MGAT4C: variants seen among roughly 807,000 people sequenced by gnomAD.
The protein encoded by MGAT4C is alpha-1,3-mannosyl-glycoprotein 4-beta-N-acetylglucosaminyltransferase C.
Under a neutral mutation model 40.1 loss-of-function variants are expected in MGAT4C, and 19 were observed. That is an observed-to-expected ratio of 0.47 (90% confidence interval 0.33 to 0.70). MGAT4C has a LOEUF of 0.70. Ranked by LOEUF, MGAT4C falls within the 30% of genes least tolerant of loss-of-function variation. The probability of loss-of-function intolerance (pLI) is 0.02; values close to 1 mark genes in which losing one functional copy is unlikely to be tolerated. For synonymous variants in MGAT4C, 181 were observed against 187.1 expected (o/e 0.97, Z 0.27); for missense variants, 491 against 563.2 (o/e 0.87, Z 1.30).
chr12:86,419,115 AT>A (rs1482989950), intron 3 of MGAT4C, among the ~76,000 whole-genome samples: 1 of 152,152 alleles, frequency 6.6e-6, no homozygotes, highest in Admixed American at 6.6e-5. Flanking sequence ...GAGGGAAAAA[AT>A]ATAACATTAT....
chr12:86,216,589 T>C (rs1480155889), intron 1 of MGAT4C, among the ~76,000 whole-genome samples: 3 of 152,222 alleles, frequency 2.0e-5, no homozygotes, highest in African/African-American at 4.8e-5. Flanking sequence ...TATGTCACTA[T>C]GTATGATGAA....
chr12:86,341,106 T>C (rs965305237), intron 3 of MGAT4C, among the ~76,000 whole-genome samples: 4 of 152,078 alleles, frequency 2.6e-5, no homozygotes, highest in African/African-American at 9.7e-5. Flanking sequence ...TGTACTCACA[T>C]TGACATTAAT....
chr12:86,805,681 A>T (rs1952339999), intron 1 of MGAT4C, among the ~76,000 whole-genome samples: 1 of 152,070 alleles, frequency 6.6e-6, no homozygotes, highest in African/African-American at 2.4e-5. Flanking sequence ...CTCAATGAAC[A>T]TGTCAGTACA....
chr12:86,544,832 G>A (rs559201950), intron 2 of MGAT4C, among the ~76,000 whole-genome samples: 2 of 152,118 alleles, frequency 1.3e-5, no homozygotes, highest in African/African-American at 4.8e-5. Context: ...GTAGCATGTA[G>A]TCAGGGAACT....
At chr12:86,304,395 T>C (rs1258798734) in intron 4 of MGAT4C, among the ~76,000 whole-genome samples, 1 of 150,516 alleles carries the variant, frequency 6.6e-6, no homozygotes, top group Non-Finnish European at 1.5e-5. Flanking sequence ...ACTTTCTATC[T>C]GATAATTTCT....
chr12:86,164,998 G>T (rs1191718863), intron 1 of MGAT4C, among the ~76,000 whole-genome samples: 1 of 152,108 alleles, frequency 6.6e-6, no homozygotes, highest in Non-Finnish European at 1.5e-5. Context: ...GGGACATATG[G>T]TTGTTAAAAT....
intron 1 of MGAT4C, among the ~76,000 whole-genome samples, chr12:86,073,719 G>A (rs1177213276): frequency 6.6e-6 from 1 of 152,114 alleles, no homozygotes; most frequent in Non-Finnish European, 1.5e-5. Context: ...TGGAACAGCT[G>A]CATTTACCCA....
In MGAT4C at chr12:86,497,236, G is replaced by T. The variant is rs113308646; in HGVS notation, c.-228-61971C>A. Among the ~76,000 whole-genome samples, 501 of 151,806 alleles carry T rather than the reference G, an allele frequency of 3.3e-3. 2 individuals are homozygous for T. Among genetic ancestry groups the T allele is most frequent in the African/African-American group, 0.012 (484 of 41,444 alleles). On this transcript the variant is annotated intron_variant, in intron 2 of 7. Coordinates refer to the MGAT4C transcript ENST00000548651. ...TTTATGTCATTAACAAAACCAAGTT[G>T]CCACTAAGAAAATAATCCAAAGAAT...
At chr12:86,323,745 T>A (rs1427106607) in intron 4 of MGAT4C, among the ~76,000 whole-genome samples, 1 of 151,984 alleles carries the variant, frequency 6.6e-6, no homozygotes, top group Non-Finnish European at 1.5e-5. Context: ...TATAGCTTCA[T>A]GCTTCATGCC....
intron 1 of MGAT4C, among the ~76,000 whole-genome samples, chr12:86,738,486 C>T (rs1300217336): frequency 6.6e-6 from 1 of 151,058 alleles, no homozygotes; most frequent in Non-Finnish European, 1.5e-5. Context: ...CTGCTTTGTT[C>T]AATAATGGAT....
chr12:86,799,956 A>G (rs1182015385), intron 1 of MGAT4C, among the ~76,000 whole-genome samples: 1 of 151,880 alleles, frequency 6.6e-6, no homozygotes, highest in Non-Finnish European at 1.5e-5. Context: ...AGATGCATTG[A>G]GTTGTTTAAA....
intron 4 of MGAT4C, among the ~76,000 whole-genome samples, chr12:86,307,029 AT>A (rs1953950859): frequency 6.6e-6 from 1 of 150,464 alleles, no homozygotes; most frequent in Non-Finnish European, 1.5e-5. Flanking sequence ...TTTTAGAATG[AT>A]TTTTCTAGTA....
chr12:86,560,173 AG>A (rs547607694), intron 2 of MGAT4C, among the ~76,000 whole-genome samples: 230 of 152,198 alleles, frequency 1.5e-3, no homozygotes, highest in African/African-American at 5.2e-3. Flanking sequence ...ACAAAATTAT[AG>A]TACTAAATAG....
chr12:86,242,144 TA>T, intron 1 of MGAT4C, among the ~76,000 whole-genome samples: 1 of 152,272 alleles, frequency 6.6e-6, no homozygotes, highest in East Asian at 1.9e-4. Context: ...GAGTGAGATT[TA>T]AATTCTGCCT....
chr12:86,565,531 C>T (rs907238071), intron 2 of MGAT4C, among the ~76,000 whole-genome samples: 5 of 152,200 alleles, frequency 3.3e-5, no homozygotes, highest in Admixed American at 2.6e-4. Context: ...AAGCAGTGCA[C>T]CTGGTTGTGC....
chr12:85,995,458 C>G (rs1168939595), intron 2 of MGAT4C, among the ~76,000 whole-genome samples: 1 of 152,058 alleles, frequency 6.6e-6, no homozygotes, highest in African/African-American at 2.4e-5. Context: ...AGTAGTAGGC[C>G]AAACAGTTCC....
intron 2 of MGAT4C, among the ~76,000 whole-genome samples, chr12:86,438,904 T>C (rs1040104701): frequency 6.6e-6 from 1 of 151,740 alleles, no homozygotes; most frequent in Non-Finnish European, 1.5e-5. Flanking sequence ...TATATAATGA[T>C]AAAAGGATAA....
At chr12:86,298,261 T>G (rs1386797765) in intron 4 of MGAT4C, among the ~76,000 whole-genome samples, 1 of 152,152 alleles carries the variant, frequency 6.6e-6, no homozygotes, top group East Asian at 1.9e-4. Flanking sequence ...AATATTTAAC[T>G]TATTCATGAA....
chr12:86,191,245 A>G (rs922179281), intron 1 of MGAT4C, among the ~76,000 whole-genome samples: 1 of 151,878 alleles, frequency 6.6e-6, no homozygotes, highest in African/African-American at 2.4e-5. Context: ...TGATTCTGGG[A>G]TTTTCTAGAA....
Sources: gnomAD v4.1 joint callset for allele counts (sites outside exome capture counted in the v4.1 genomes callset) on GRCh38, gnomAD v4.1.1 for gene constraint, MANE v1.5 for transcripts, NCBI Gene and HGNC (gene_info 2026-07-23, HGNC 2026-07-21) for gene names.